DRC11: variants seen among roughly 807,000 people sequenced by gnomAD.
DRC11 encodes the protein dynein regulatory complex subunit 11.
At chr2:236,337,686 A>G in the DRC11 span, among the ~76,000 whole-genome samples, 1 of 152,222 alleles carries the variant, frequency 6.6e-6, no homozygotes, top group Non-Finnish European at 1.5e-5. The surrounding 1 kb of genome is among the most constrained non-coding windows in gnomAD (Gnocchi z 4.9). Flanking sequence ...CCATTAAAAA[A>G]CATGTTTCAA....
the DRC11 span, among the ~76,000 whole-genome samples, chr2:236,350,586 G>C: frequency 6.6e-6 from 1 of 152,252 alleles, no homozygotes; most frequent in Admixed American, 6.5e-5. This position sits in a 1 kb window ranked among gnomAD's most constrained non-coding sequence, Gnocchi z 5.2. Context: ...GCAGAGCCAG[G>C]TGAGGGATGA....
chr2:236,489,004 G>C, the DRC11 span, among the ~76,000 whole-genome samples: 1 of 148,934 alleles, frequency 6.7e-6, no homozygotes, highest in East Asian at 2.0e-4. Flanking sequence ...GCCTGTGTGG[G>C]CTCTGGGTGC....
chr2:236,346,588 G>A, the DRC11 span: 2 of 168,230 alleles, frequency 1.2e-5, no homozygotes, highest in Non-Finnish European at 2.9e-5. Context: ...CTCTGCTTCG[G>A]AGCTGAGAAC....
the DRC11 span, among the ~76,000 whole-genome samples, chr2:236,460,189 G>C: frequency 0.17 from 25,909 of 152,236 alleles, 2,418 homozygotes; most frequent in Middle Eastern, 0.25. The surrounding 1 kb of genome is among the most constrained non-coding windows in gnomAD (Gnocchi z 4.0). Context: ...TTCAAAAAGA[G>C]GCATTTTTAC....
At chr2:236,501,971 A>G in the DRC11 span, among the ~76,000 whole-genome samples, 1 of 152,204 alleles carries the variant, frequency 6.6e-6, no homozygotes, top group Non-Finnish European at 1.5e-5. Flanking sequence ...AGACAGCAAC[A>G]GTCCAGCAAA....
chr2:236,368,067 C>T, the DRC11 span: 1 of 707,990 alleles, frequency 1.4e-6, no homozygotes. Context: ...TGTGCCCACT[C>T]AGAATTCTCA....
the DRC11 span, chr2:236,503,590 A>C: frequency 3.3e-6 from 5 of 1,527,940 alleles, no homozygotes; most frequent in Non-Finnish European, 4.4e-6. This position sits in a 1 kb window ranked among gnomAD's most constrained non-coding sequence, Gnocchi z 4.9. Flanking sequence ...CTGACAGGAA[A>C]ATGAGCAGCT....
the DRC11 span, among the ~76,000 whole-genome samples, chr2:236,400,833 T>C: frequency 3.3e-5 from 5 of 152,066 alleles, no homozygotes; most frequent in African/African-American, 1.2e-4. This position sits in a 1 kb window ranked among gnomAD's most constrained non-coding sequence, Gnocchi z 7.9. Flanking sequence ...ATGCATCAGA[T>C]CCAGAGGTAT....
the DRC11 span, among the ~76,000 whole-genome samples, chr2:236,443,971 C>A: frequency 4.7e-5 from 7 of 147,754 alleles, no homozygotes; most frequent in Admixed American, 1.4e-4. The surrounding 1 kb of genome is among the most constrained non-coding windows in gnomAD (Gnocchi z 4.4). Context: ...TATTTGTTGG[C>A]CACATGAATT....
chr2:236,319,683 A>C, the DRC11 span, among the ~76,000 whole-genome samples: 1 of 152,010 alleles, frequency 6.6e-6, no homozygotes, highest in Non-Finnish European at 1.5e-5. The surrounding 1 kb of genome is among the most constrained non-coding windows in gnomAD (Gnocchi z 6.7). Flanking sequence ...AAAGCAATAA[A>C]CACTTGCTGA....
the DRC11 span, among the ~76,000 whole-genome samples, chr2:236,504,601 G>T: frequency 2.4e-4 from 36 of 152,214 alleles, no homozygotes; most frequent in African/African-American, 8.4e-4. The surrounding 1 kb of genome is among the most constrained non-coding windows in gnomAD (Gnocchi z 5.0). Context: ...ACCAACTCTG[G>T]ACACCTCCAG....
At chr2:236,462,904 C>T in the DRC11 span, among the ~76,000 whole-genome samples, 1 of 152,120 alleles carries the variant, frequency 6.6e-6, no homozygotes, top group Non-Finnish European at 1.5e-5. The surrounding 1 kb of genome is among the most constrained non-coding windows in gnomAD (Gnocchi z 6.4). Context: ...GACAGAGTCA[C>T]CTATAATTGG....
the DRC11 span, among the ~76,000 whole-genome samples, chr2:236,419,593 A>T: frequency 0.031 from 4,750 of 152,182 alleles, 242 homozygotes; most frequent in East Asian, 0.18. This position sits in a 1 kb window ranked among gnomAD's most constrained non-coding sequence, Gnocchi z 4.8. Flanking sequence ...AGCTTCCTCA[A>T]CGTCTCAGCA....
At chr2:236,477,003 GT>G in the DRC11 span, among the ~76,000 whole-genome samples, 3 of 152,064 alleles carry the variant, frequency 2.0e-5, no homozygotes, top group African/African-American at 7.2e-5. Context: ...GTTGAATTTG[GT>G]TTTTTAGTGT....
At chr2:236,498,633 G>A in the DRC11 span, among the ~76,000 whole-genome samples, 2 of 152,112 alleles carry the variant, frequency 1.3e-5, no homozygotes, top group Admixed American at 6.5e-5. Flanking sequence ...ACACCCTGGC[G>A]AGGCAACAAA....
At chr2:236,477,269 C>A in the DRC11 span, among the ~76,000 whole-genome samples, 1 of 152,126 alleles carries the variant, frequency 6.6e-6, no homozygotes, top group Non-Finnish European at 1.5e-5. Flanking sequence ...CATAAACAGT[C>A]CATTAACACA....
At chr2:236,486,692 C>A in the DRC11 span, 1 of 653,790 alleles carries the variant, frequency 1.5e-6, no homozygotes, top group Non-Finnish European at 2.7e-6. The surrounding 1 kb of genome is among the most constrained non-coding windows in gnomAD (Gnocchi z 5.7). Flanking sequence ...GGCTTCTGTA[C>A]CATATGGGTG....
At chr2:236,318,690 G>A in the DRC11 span, among the ~76,000 whole-genome samples, 8 of 152,070 alleles carry the variant, frequency 5.3e-5, no homozygotes, top group Non-Finnish European at 7.4e-5. This position sits in a 1 kb window ranked among gnomAD's most constrained non-coding sequence, Gnocchi z 7.0. Context: ...ATGTGTACAC[G>A]TGCATAGTGT....
At chr2:236,441,856 G>C in the DRC11 span, among the ~76,000 whole-genome samples, 1 of 152,178 alleles carries the variant, frequency 6.6e-6, no homozygotes, top group Non-Finnish European at 1.5e-5. Context: ...TTTGGCCTCA[G>C]AAGCCCTTTA....
Sources: gnomAD v4.1 joint callset for allele counts (sites outside exome capture counted in the v4.1 genomes callset) on GRCh38, gnomAD v4.1.1 for gene constraint, Gnocchi (gnomAD v3.1) non-coding constraint, MANE v1.5 for transcripts, NCBI Gene and HGNC (gene_info 2026-07-23, HGNC 2026-07-21) for gene names.